GALNT10: variants seen among roughly 807,000 people sequenced by gnomAD.
GALNT10 encodes GalNAc transferase 10.
A neutral mutation model predicts 75.0 loss-of-function variants in GALNT10; 41 were observed. That is an observed-to-expected ratio of 0.55 (90% CI 0.43 to 0.71). GALNT10 has a LOEUF of 0.71. Ranked by LOEUF, GALNT10 falls within the 30% of genes least tolerant of loss-of-function variation. GALNT10 has a pLI of 0.00. For synonymous variants in GALNT10, 302 were observed against 313.0 expected (o/e 0.96, Z 0.37); for missense variants, 727 against 818.5 (o/e 0.89, Z 1.36).
At chr5:154,204,641 C>T (rs1462211609) in intron 1 of GALNT10, among the ~76,000 whole-genome samples, 4 of 152,190 alleles carry the variant, frequency 2.6e-5, no homozygotes, top group African/African-American at 7.2e-5. Flanking sequence ...GCATGTGGTC[C>T]TGCCTGTAAT....
chr5:154,285,215 G>A (rs1754094385), intron 1 of GALNT10, among the ~76,000 whole-genome samples: 2 of 152,064 alleles, frequency 1.3e-5, no homozygotes, highest in Admixed American at 1.3e-4. Flanking sequence ...AGAGAGAACT[G>A]GGGCCTCCAG....
chr5:154,212,861 G>A (rs1004800728), intron 1 of GALNT10, among the ~76,000 whole-genome samples: 2 of 152,068 alleles, frequency 1.3e-5, no homozygotes, highest in African/African-American at 4.8e-5. Context: ...CCAGCTACTC[G>A]GGAGGCTAAG....
chr5:154,245,484 C>G (rs1753406953), intron 1 of GALNT10, among the ~76,000 whole-genome samples: 1 of 151,910 alleles, frequency 6.6e-6, no homozygotes, highest in South Asian at 2.1e-4. Flanking sequence ...AAGGTTCAAA[C>G]TTGTCCTCAG....
chr5:154,360,170 C>T (rs1755361659), intron 4 of GALNT10, among the ~76,000 whole-genome samples: 1 of 152,132 alleles, frequency 6.6e-6, no homozygotes, highest in East Asian at 1.9e-4. Flanking sequence ...ATGCACTGGG[C>T]TGGGTGCGGT....
intron 1 of GALNT10, among the ~76,000 whole-genome samples, chr5:154,198,253 C>G (rs148146308): frequency 1.6e-3 from 247 of 152,304 alleles, no homozygotes; most frequent in African/African-American, 5.6e-3. Context: ...AATTCTTGGT[C>G]TGTAAAATGG....
intron 9 of GALNT10, among the ~76,000 whole-genome samples, chr5:154,410,384 A>G (rs2113221355): frequency 6.6e-6 from 1 of 151,838 alleles, no homozygotes; most frequent in Admixed American, 6.6e-5. Context: ...CTACAAAAAA[A>G]AAAAAAAAAA....
intron 1 of GALNT10, among the ~76,000 whole-genome samples, chr5:154,202,347 G>A (rs558873010): frequency 8.5e-5 from 13 of 152,290 alleles, no homozygotes; most frequent in African/African-American, 3.1e-4. Context: ...GGCACAGCTC[G>A]GTGTGGTGGC....
At chr5:154,246,250 A>G (rs1030168536) in intron 1 of GALNT10, among the ~76,000 whole-genome samples, 12 of 152,246 alleles carry the variant, frequency 7.9e-5, no homozygotes, top group African/African-American at 2.6e-4. Flanking sequence ...GCTATTGTGA[A>G]TAGTGCTGCA....
intron 3 of GALNT10, among the ~76,000 whole-genome samples, chr5:154,303,232 C>T (rs1043988131): frequency 1.3e-5 from 2 of 152,134 alleles, no homozygotes; most frequent in Non-Finnish European, 2.9e-5. Context: ...CTATAGTTGC[C>T]CCAGCTTATT....
At chr5:154,351,762 T>C (rs1362457376) in intron 4 of GALNT10, among the ~76,000 whole-genome samples, 3 of 152,208 alleles carry the variant, frequency 2.0e-5, no homozygotes, top group Non-Finnish European at 4.4e-5. Context: ...ATCTGACTGC[T>C]TCCACTTTAT....
intron 1 of GALNT10, among the ~76,000 whole-genome samples, chr5:154,234,950 C>G (rs1472492643): frequency 1.3e-5 from 2 of 152,216 alleles, no homozygotes; most frequent in Non-Finnish European, 2.9e-5. Flanking sequence ...CTGAGATCTG[C>G]TGAGCCTTGA....
chr5:154,191,431 T>TTCCCCCCCC (rs1774856874), intron 1 of GALNT10, among the ~76,000 whole-genome samples: 2 of 55,082 alleles, frequency 3.6e-5, no homozygotes, highest in Admixed American at 1.5e-4. Context: ...GCTTCCCTCC[T>TTCCCCCCCC]CCCACCCCCC....
intron 6 of GALNT10, among the ~76,000 whole-genome samples, chr5:154,383,750 C>CA (rs1171136937): frequency 3.3e-5 from 5 of 151,696 alleles, no homozygotes; most frequent in East Asian, 1.9e-4. Flanking sequence ...TGGCTCCAGC[C>CA]AAAAAAAACC....
At chr5:154,197,352 G>A (rs1774961547) in intron 1 of GALNT10, among the ~76,000 whole-genome samples, 1 of 152,110 alleles carries the variant, frequency 6.6e-6, no homozygotes, top group Non-Finnish European at 1.5e-5. Flanking sequence ...CAGCTTCCAC[G>A]TTTTTTCTGC....
chr5:154,352,053 C>G lies in GALNT10; in HGVS notation c.568+22315C>G, dbSNP rs1209449198. The stretch of plus-strand genomic sequence containing the variant: ...AGGCTGTGTGCCGTGTACAGGGATG[C>G]ACAGCCAGTTGATGATTCCAAAGCC... On this transcript the variant is annotated intron_variant, in intron 4 of 11. Transcript: ENST00000297107. The surrounding 1 kb of genome is among the most constrained non-coding windows in gnomAD (Gnocchi z 4.4). 6.6e-6 allele frequency among the ~76,000 whole-genome samples: 1 copy of G among 152,210 alleles called. No individual in the cohort carries two copies. Among genetic ancestry groups the G allele is most frequent in the Non-Finnish European group, 1.5e-5 (1 of 68,030 alleles).
At chr5:154,293,613 A>ATATTTTTTTTTTTTTTTT in intron 1 of GALNT10, among the ~76,000 whole-genome samples, 8 of 109,360 alleles carry the variant, frequency 7.3e-5, no homozygotes, top group African/African-American at 1.3e-4. Context: ...ATATATATAT[A>ATATTTTTTTTTTTTTTTT]TTTTTTTTTT....
intron 1 of GALNT10, among the ~76,000 whole-genome samples, chr5:154,294,231 G>A (rs1754240843): frequency 6.6e-6 from 1 of 152,098 alleles, no homozygotes; most frequent in African/African-American, 2.4e-5. Flanking sequence ...GCTACTCAGA[G>A]GTTGAGGATG....
At chr5:154,263,445 G>A (rs948191716) in intron 1 of GALNT10, among the ~76,000 whole-genome samples, 1 of 152,168 alleles carries the variant, frequency 6.6e-6, no homozygotes, top group Non-Finnish European at 1.5e-5. Context: ...TCCAGAATAG[G>A]CAAATCCCTG....
intron 5 of GALNT10, 125 bp from the exon 6 acceptor site, chr5:154,380,323 C>T (rs968135593): frequency 2.6e-6 from 2 of 773,672 alleles, no homozygotes; most frequent in African/African-American, 1.7e-5. Context: ...CTCCCTTCCC[C>T]TCCATGGATT....
Sources: allele counts gnomAD v4.1 joint callset (sites outside exome capture counted in the v4.1 genomes callset), GRCh38; gene constraint gnomAD v4.1.1; non-coding constraint Gnocchi (gnomAD v3.1); transcripts MANE v1.5; gene names NCBI Gene and HGNC (gene_info 2026-07-23, HGNC 2026-07-21).